Variants in LRP5 observed in about 807,000 individuals in gnomAD.
LRP5 encodes low-density lipoprotein receptor-related protein 5.
LRP5 carries 62 observed loss-of-function variants against 154.1 expected under a neutral mutation model. The ratio of observed to expected loss-of-function variants is 0.40; its 90% CI spans 0.33 to 0.50. The LOEUF is 0.50. Ranked by LOEUF, LRP5 falls within the 20% of genes least tolerant of loss-of-function variation. The pLI is 0.55. For synonymous variants in LRP5, 966 were observed against 1,011.5 expected, an observed-to-expected ratio of 0.96 and a Z score of 0.85; for missense variants, 1,915 against 2,336.7, an observed-to-expected ratio of 0.82 and a Z score of 3.72.
intron 17 of LRP5, among the ~76,000 whole-genome samples, chr11:68,433,323 G>A (rs553892984): frequency 6.6e-6 from 1 of 152,320 alleles, no homozygotes; most frequent in African/African-American, 2.4e-5. Flanking sequence ...CTGATTCCCA[G>A]TTGGCACCCT....
In LRP5 at chr11:68,413,555, G is replaced by C; in HGVS notation, c.2504-134G>C. On this transcript the variant is annotated intron_variant, in intron 11 of 22. Transcript: ENST00000294304. This position sits in a 1 kb window ranked among gnomAD's most constrained non-coding sequence, Gnocchi z 5.1. Reference sequence around the variant, plus strand: ...CAGTGGATCTTGCTGGTTTTCCAAGGTGGCCAAACACTTTAAGGCATTCAT... The same window carrying C: ...CAGTGGATCTTGCTGGTTTTCCAAGCTGGCCAAACACTTTAAGGCATTCAT... The C allele has an allele frequency of 1.3e-6, 1 of 774,430 alleles. No homozygotes were observed. The highest frequency in any genetic ancestry group is 1.4e-5 in the South Asian group (1 of 70,284). The allele number at this position is 774,430 out of a possible 1,614,324, so 48.0% of individuals were successfully genotyped here.
intron 15 of LRP5, 104 bp from the exon 16 acceptor site, chr11:68,425,874 C>T (rs1196388318): frequency 1.9e-6 from 2 of 1,035,692 alleles, no homozygotes; most frequent in South Asian, 1.3e-5. Flanking sequence ...CATGGAATCC[C>T]CCAGGCTCCC....
At chr11:68,319,463 C>T (rs1240326669) in intron 1 of LRP5, among the ~76,000 whole-genome samples, 1 of 152,206 alleles carries the variant, frequency 6.6e-6, no homozygotes, top group East Asian at 1.9e-4. Flanking sequence ...GATCCTCCCA[C>T]CTCAGCCTCC....
chr11:68,322,024 G>A (rs1279667918), intron 1 of LRP5, among the ~76,000 whole-genome samples: 3 of 152,230 alleles, frequency 2.0e-5, no homozygotes, highest in African/African-American at 7.2e-5. Flanking sequence ...GTACGAGATA[G>A]TTTTGGAGCA....
At chr11:68,344,847 CTCTTTTTTTTTTT>C (rs1048830246) in intron 1 of LRP5, among the ~76,000 whole-genome samples, 1 of 117,966 alleles carries the variant, frequency 8.5e-6, no homozygotes, top group African/African-American at 3.3e-5. Context: ...CAGAATCTCT[CTCTTTTTTTTTTT>C]TTTTTTTTTT....
At chr11:68,340,512 T>G (rs1386719363) in intron 1 of LRP5, among the ~76,000 whole-genome samples, 1 of 152,188 alleles carries the variant, frequency 6.6e-6, no homozygotes, top group Non-Finnish European at 1.5e-5. Context: ...AGCATCCTGT[T>G]TAAGCCTCGC....
chr11:68,351,541 C>T (rs984572092), intron 2 of LRP5, among the ~76,000 whole-genome samples: 5 of 152,192 alleles, frequency 3.3e-5, no homozygotes, highest in East Asian at 1.9e-4. Flanking sequence ...TGCTCACCAG[C>T]GGCTGCCATG....
intron 9 of LRP5, among the ~76,000 whole-genome samples, chr11:68,407,860 G>A (rs545132948): frequency 2.0e-5 from 3 of 152,000 alleles, no homozygotes; most frequent in Admixed American, 6.6e-5. Context: ...AAAAAAAAAA[G>A]TTTGATTGGT....
chr11:68,373,397 G>GA (rs1555079691), intron 5 of LRP5, among the ~76,000 whole-genome samples: 1 of 151,230 alleles, frequency 6.6e-6, no homozygotes, highest in South Asian at 2.1e-4. Context: ...GGCGGGGGGG[G>GA]CCCCGCACTG....
chr11:68,342,402 C>A (rs965053163), intron 1 of LRP5, among the ~76,000 whole-genome samples: 2 of 152,148 alleles, frequency 1.3e-5, no homozygotes, highest in Non-Finnish European at 2.9e-5. Context: ...CCCCATCACC[C>A]AGAGTTCCAC....
chr11:68,381,408 T>C (rs1401012928), intron 5 of LRP5, among the ~76,000 whole-genome samples: 1 of 152,118 alleles, frequency 6.6e-6, no homozygotes, highest in Non-Finnish European at 1.5e-5. Flanking sequence ...GAGCTGGACA[T>C]GTCCATGACG....
At position 68,423,658 on chromosome 11, in the gene LRP5, G is replaced by A. The variant is rs2098667100; in HGVS notation, c.3197G>A (p.Arg1066His). 10 of 1,613,718 alleles carry A rather than the reference G, an allele frequency of 6.2e-6. No homozygotes were observed. The highest frequency in any genetic ancestry group is 1.7e-5 in the Admixed American group (1 of 60,004). The change falls in exon 14 of 23, where the codon CGC becomes CAC. Residue 1066 changes from arginine to histidine, a missense_variant. Physicochemically the swap from Arg to His is conservative, Grantham distance 29 (BLOSUM62 0). Transcript: ENST00000294304. This position sits in a 1 kb window ranked among gnomAD's most constrained non-coding sequence, Gnocchi z 4.7. ...EAMGVVLRGDRDKPRAIVVNA... is the reference protein window; with the variant it reads ...EAMGVVLRGDHDKPRAIVVNA... Reference sequence around the variant, plus strand: ...ATGGGGGTGGTGCTGCGTGGGGACCGCGACAAGCCCAGGGCCATCGTCGTC... The same window carrying A: ...ATGGGGGTGGTGCTGCGTGGGGACCACGACAAGCCCAGGGCCATCGTCGTC...
At chr11:68,301,489 T>C in the LRP5 span, among the ~76,000 whole-genome samples, 1 of 148,784 alleles carries the variant, frequency 6.7e-6, no homozygotes, top group South Asian at 2.1e-4. Context: ...AAATAATAAA[T>C]AAATAAAAAT....
chr11:68,338,998 C>T (rs2098607323), intron 1 of LRP5, among the ~76,000 whole-genome samples: 1 of 151,152 alleles, frequency 6.6e-6, no homozygotes, highest in Non-Finnish European at 1.5e-5. Context: ...CTCAGCCTCC[C>T]GAGTAGCTGG....
chr11:68,438,764 C>G, intron 20 of LRP5, 82 bp downstream of exon 20: 1 of 1,217,906 alleles, frequency 8.2e-7, no homozygotes, highest in Non-Finnish European at 1.2e-6. Flanking sequence ...CAGGGATGTG[C>G]TACCCCAGGC....
chr11:68,367,303 G>C (rs2098631626), intron 5 of LRP5, among the ~76,000 whole-genome samples: 1 of 152,224 alleles, frequency 6.6e-6, no homozygotes. Context: ...TTACAGAGGA[G>C]GCCAGGGCAA....
Position 68,386,675 on chromosome 11 carries a change from G to A in LRP5, c.1375G>A (p.Asp459Asn). The A allele has an allele frequency of 6.2e-7, 1 of 1,613,366 alleles. No homozygotes were observed. The highest frequency in any genetic ancestry group is 8.5e-7 in the Non-Finnish European group (1 of 1,179,940). The change falls in exon 6 of 23, where the codon GAC (aspartate) becomes AAC (asparagine). Residue 459 changes from aspartate (D) to asparagine (N), a missense_variant. Transcript: ENST00000294304. The surrounding 1 kb of genome is among the most constrained non-coding windows in gnomAD (Gnocchi z 7.9). ...CAAGATCCTGGTGTCGGAGGACCTG[G>A]ACGAGCCCCGAGCCATCGCACTGCA... ...SRKILVSEDL[D>N]EPRAIALHPV...
At position 68,411,574 on chromosome 11, in the gene LRP5, C is replaced by T. The variant is rs1057519127; in HGVS notation, c.2457C>T (p.Tyr819=). 6 of 1,613,560 alleles carry T rather than the reference C, an allele frequency of 3.7e-6. No individual in the cohort carries two copies. Among genetic ancestry groups the T allele is most frequent in the Non-Finnish European group, 5.1e-6 (6 of 1,179,994 alleles). ...LTIDYADQRL[Y]WTDLDTNMIE... ...TTGACTACGCTGACCAGCGCCTCTACTGGACCGACCTGGACACCAACATGA... is the reference window on the plus strand; with the variant it reads ...TTGACTACGCTGACCAGCGCCTCTATTGGACCGACCTGGACACCAACATGA... Residue 819 remains tyrosine, a synonymous_variant, in exon 11 of 23, where the codon TAC becomes TAT. Coordinates refer to ENST00000294304, the MANE Select transcript of LRP5 (RefSeq NM_002335.4).
chr11:68,338,597 C>G (rs2098606991), intron 1 of LRP5, among the ~76,000 whole-genome samples: 1 of 152,186 alleles, frequency 6.6e-6, no homozygotes, highest in South Asian at 2.1e-4. Flanking sequence ...AGATCTGAAT[C>G]ACCCCCTCAC....
Sources: gnomAD v4.1 joint callset for allele counts (sites outside exome capture counted in the v4.1 genomes callset) on GRCh38, gnomAD v4.1.1 for gene constraint, Gnocchi (gnomAD v3.1) non-coding constraint, MANE v1.5 for transcripts, NCBI Gene and HGNC (gene_info 2026-07-23, HGNC 2026-07-21) for gene names.